Variants in KIF21A observed in about 807,000 individuals in gnomAD.
KIF21A encodes kinesin family member 21A.
In KIF21A, 114 loss-of-function variants were observed where a neutral mutation model predicts 202.9. The observed-to-expected ratio is 0.56, with a 90% CI of 0.48 to 0.66. The LOEUF (loss-of-function observed/expected upper bound fraction) is 0.66. Ranked by LOEUF, KIF21A falls within the 30% of genes least tolerant of loss-of-function variation. The probability of loss-of-function intolerance (pLI) is 0.00; values close to 1 mark genes in which losing one functional copy is unlikely to be tolerated. For synonymous variants in KIF21A, 667 were observed against 670.8 expected (o/e 0.99, Z 0.09); for missense variants, 1,677 against 1,994.9 (o/e 0.84, Z 3.04).
At chr12:39,301,803 T>C (rs1942985803) in intron 36 of KIF21A, 124 bp from the exon 37 acceptor site, 6 of 816,134 alleles carry the variant, frequency 7.4e-6, no homozygotes, top group African/African-American at 1.7e-5. Context: ...TGGAGAAAGT[T>C]TATTTTCTAT....
In KIF21A at chr12:39,443,062, G is replaced by A; in HGVS notation, c.-92C>T. Reference sequence around the variant, plus strand: ...GCGGGACTCGGGCGCAGTAGGCTGGGGCGTCTGCGGGCGGGCGGCCGGCTC... The same window carrying A: ...GCGGGACTCGGGCGCAGTAGGCTGGAGCGTCTGCGGGCGGGCGGCCGGCTC... On this transcript the variant is annotated 5_prime_UTR_variant, in exon 1 of 38. Transcript: ENST00000361418. 2.3e-6 allele frequency: 3 copies of A among 1,294,242 alleles called. No individual in the cohort carries two copies. The highest frequency in any genetic ancestry group is 1.6e-5 in the African/African-American group (1 of 63,660). 80.2% of individuals were successfully genotyped at this position (1,294,242 alleles called of 1,614,324 possible).
At chr12:39,348,909 T>C (rs893526757) in intron 11 of KIF21A, among the ~76,000 whole-genome samples, 2 of 152,068 alleles carry the variant, frequency 1.3e-5, no homozygotes, top group Non-Finnish European at 2.9e-5. Flanking sequence ...CAAATACCCC[T>C]ACAAAGGAAG....
chr12:39,402,134 G>A (rs564112922), intron 1 of KIF21A, among the ~76,000 whole-genome samples: 2 of 152,090 alleles, frequency 1.3e-5, no homozygotes, highest in Non-Finnish European at 2.9e-5. Context: ...AGATAAAAAG[G>A]GTGACCGTGC....
At chr12:39,428,771 A>T (rs1308378355) in intron 1 of KIF21A, among the ~76,000 whole-genome samples, 1 of 152,126 alleles carries the variant, frequency 6.6e-6, no homozygotes, top group African/African-American at 2.4e-5. Flanking sequence ...CATCCTGGCC[A>T]ACATGGTGAA....
chr12:39,308,312 T>C (rs1221221331), intron 33 of KIF21A, among the ~76,000 whole-genome samples: 1 of 150,964 alleles, frequency 6.6e-6, no homozygotes, highest in East Asian at 1.9e-4. Flanking sequence ...CACTTGAACC[T>C]GGGAGGTGCG....
chr12:39,407,079 C>A (rs986799466), intron 1 of KIF21A, among the ~76,000 whole-genome samples: 1 of 152,168 alleles, frequency 6.6e-6, no homozygotes, highest in African/African-American at 2.4e-5. Context: ...CATGATTTCC[C>A]ACTTATTTGA....
intron 26 of KIF21A, among the ~76,000 whole-genome samples, chr12:39,323,413 T>A (rs772186415): frequency 2.6e-5 from 4 of 152,194 alleles, no homozygotes; most frequent in African/African-American, 4.8e-5. Context: ...GTTTTTCCCA[T>A]GCTTAATTTC....
At chr12:39,363,697 C>T (rs1175736703) in intron 6 of KIF21A, among the ~76,000 whole-genome samples, 4 of 152,150 alleles carry the variant, frequency 2.6e-5, no homozygotes, top group Admixed American at 1.3e-4. Flanking sequence ...CAAGGTATTC[C>T]TATGCAAGTA....
intron 1 of KIF21A, among the ~76,000 whole-genome samples, chr12:39,383,463 G>C (rs1185836773): frequency 2.0e-5 from 3 of 152,142 alleles, no homozygotes; most frequent in African/African-American, 7.2e-5. Flanking sequence ...TATAAAAATT[G>C]TTTCCAGAAA....
chr12:39,370,054 A>T lies in KIF21A; in HGVS notation c.252T>A (p.Val84=), dbSNP rs765209834. 6.2e-7 allele frequency: 1 copy of T among 1,613,290 alleles called. No homozygotes were observed. Residue 84 remains valine, a synonymous_variant, in exon 2 of 38, where the codon GTT becomes GTA. Coordinates refer to ENST00000361418, the MANE Select transcript of KIF21A (RefSeq NM_001173464.2). ...TGGCACTTACTTGTCCATAAGCAAA[A>T]ACTGTAGCATTGTATCCTTCAAAGC... is the stretch of plus-strand genomic sequence containing the variant. ...EGCFEGYNAT[V]FAYGQTGAGK... is the part of the protein sequence containing the mutation.
intron 12 of KIF21A, among the ~76,000 whole-genome samples, chr12:39,345,696 T>A (rs1947832508): frequency 1.3e-5 from 2 of 151,900 alleles, no homozygotes; most frequent in Admixed American, 1.3e-4. Flanking sequence ...TCATTTTGAC[T>A]ATGTAATCTA....
chr12:39,311,364 ATTTT>A lies in KIF21A; in HGVS notation c.4096+49_4096+52del, dbSNP rs371698345. On this transcript the variant is annotated intron_variant, in intron 32 of 37. Coordinates refer to ENST00000361418, the MANE Select transcript of KIF21A (RefSeq NM_001173464.2). The stretch of plus-strand genomic sequence containing the variant: ...TTTTCTAGAATATGTTAAAAATGTA[ATTTT>A]TTTTAAAAAAAAAGCTATTAAATAT... 5 of 1,485,456 alleles carry A rather than the reference ATTTT, an allele frequency of 3.4e-6. No homozygotes were observed. In the African/African-American group the frequency reaches 7.2e-5, roughly 21 times the overall value. The allele number at this position is 1,485,456 out of a possible 1,614,324, so 92.0% of individuals were successfully genotyped here.
intron 16 of KIF21A, chr12:39,337,662 T>A (rs1386336919): frequency 5.8e-6 from 1 of 173,160 alleles, no homozygotes; most frequent in Non-Finnish European, 1.2e-5. Context: ...ACTTAATAAT[T>A]TTAGCTACTG....
At chr12:39,407,425 A>G (rs1170352513) in intron 1 of KIF21A, among the ~76,000 whole-genome samples, 1 of 152,138 alleles carries the variant, frequency 6.6e-6, no homozygotes, top group Non-Finnish European at 1.5e-5. Context: ...TCCTTTACTC[A>G]GGCCTTTGTC....
intron 1 of KIF21A, among the ~76,000 whole-genome samples, chr12:39,393,405 A>C (rs1288054646): frequency 6.6e-6 from 1 of 152,196 alleles, no homozygotes; most frequent in Non-Finnish European, 1.5e-5. Context: ...AGGCACAGAT[A>C]AATTATTTCC....
chr12:39,357,148 G>C (rs1948835750), intron 9 of KIF21A, 100 bp downstream of exon 9: 2 of 1,019,090 alleles, frequency 2.0e-6, no homozygotes, highest in Non-Finnish European at 3.1e-6. Flanking sequence ...CACAGAGACT[G>C]GCATTTCTAT....
At chr12:39,415,952 T>G (rs1250433251) in intron 1 of KIF21A, among the ~76,000 whole-genome samples, 1 of 152,184 alleles carries the variant, frequency 6.6e-6, no homozygotes, top group Non-Finnish European at 1.5e-5. Context: ...TGGTTGTTGA[T>G]ATCAGTTCAA....
rs1192653469 is a variant in KIF21A at position 39,352,056 on chromosome 12, A to G, written c.1470-76T>C. On this transcript the variant is annotated intron_variant, in intron 10 of 37. Transcript: ENST00000361418. ...AAATACATAACATAAAGTGTACCACACTACCATTTCTTAAGTGTACAGCTC... is the reference window on the plus strand; with the variant it reads ...AAATACATAACATAAAGTGTACCACGCTACCATTTCTTAAGTGTACAGCTC... The G allele has an allele frequency of 6.7e-6, 7 of 1,048,004 alleles. No individual in the cohort carries two copies. In the East Asian group the frequency reaches 7.2e-5, roughly 11 times the overall value. 64.9% of individuals were successfully genotyped at this position (1,048,004 alleles called of 1,614,324 possible). A position where few individuals can be genotyped will look rare whatever the true frequency, so the allele number is the denominator to read the frequency against.
intron 1 of KIF21A, among the ~76,000 whole-genome samples, chr12:39,423,614 A>C (rs1954490068): frequency 6.6e-6 from 1 of 151,796 alleles, no homozygotes; most frequent in Non-Finnish European, 1.5e-5. Context: ...TTTGGGAGGC[A>C]GAGGCTAGTG....
Sources: allele counts gnomAD v4.1 joint callset (sites outside exome capture counted in the v4.1 genomes callset), GRCh38; gene constraint gnomAD v4.1.1; transcripts MANE v1.5; gene names NCBI Gene and HGNC (gene_info 2026-07-23, HGNC 2026-07-21).